HMCN1: variants seen among roughly 807,000 people sequenced by gnomAD.
HMCN1 encodes the protein hemicentin-1.
In HMCN1, 321 loss-of-function variants were observed where a neutral mutation model predicts 625.9. The observed-to-expected ratio is 0.51, with a 90% CI of 0.47 to 0.56. The LOEUF (loss-of-function observed/expected upper bound fraction) is 0.56, where lower values mean the gene tolerates loss of function less well. HMCN1 is among the 20% of genes least tolerant of loss of function. The pLI is 0.00. For missense variants in HMCN1, 6,588 were observed against 6,887.3 expected, an observed-to-expected ratio of 0.96 and a Z score of 1.54; for synonymous variants, 2,425 against 2,417.6, an observed-to-expected ratio of 1.00 and a Z score of -0.09.
At chr1:186,112,683 G>A in intron 71 of HMCN1, 129 bp from the exon 72 acceptor site, 1 of 1,108,492 alleles carries the variant, frequency 9.0e-7, no homozygotes, top group Non-Finnish European at 1.3e-6. Flanking sequence ...AAATGGTGGA[G>A]GAGCAGACAA....
chr1:186,015,288 C>G lies in HMCN1; in HGVS notation c.4760C>G (p.Pro1587Arg). The G allele has an allele frequency of 6.2e-7, 1 of 1,613,714 alleles. No individual in the cohort carries two copies. Among genetic ancestry groups the G allele is most frequent in the African/African-American group, 1.3e-5 (1 of 75,024 alleles). The change falls in exon 31 of 107, where the codon CCA (proline) becomes CGA (arginine). Residue 1587 changes from proline (P) to arginine (R), a missense_variant. By Grantham distance (103) the Pro-to-Arg change is moderately radical (BLOSUM62 -2). Around this residue, in one of 3 missense-constraint regions of HMCN1, gnomAD observed 4,628 missense variants for 4,853.1 expected, o/e 0.95. Coordinates refer to ENST00000271588, the MANE Select transcript of HMCN1 (RefSeq NM_031935.3). The stretch of plus-strand genomic sequence containing the variant: ...ATTACTTGGTATAAGGACGGGCAGC[C>G]AATCATGTCCAGCTCACAAGCACTT... ...PAITWYKDGQ[P>R]IMSSSQALYI... is the part of the protein sequence containing the mutation.
At chr1:185,805,373 G>A (rs1346689814) in intron 1 of HMCN1, among the ~76,000 whole-genome samples, 1 of 152,078 alleles carries the variant, frequency 6.6e-6, no homozygotes, top group East Asian at 1.9e-4. Context: ...AAGTGCAGAG[G>A]CCAAAAAGTT....
intron 6 of HMCN1, among the ~76,000 whole-genome samples, chr1:185,918,430 G>A (rs1666837043): frequency 6.6e-6 from 1 of 152,174 alleles, no homozygotes; most frequent in Admixed American, 6.5e-5. Flanking sequence ...CGTGCTGGCA[G>A]CCAGCTAGAT....
chr1:185,887,266 T>C (rs1558040525), intron 4 of HMCN1, among the ~76,000 whole-genome samples: 1 of 152,176 alleles, frequency 6.6e-6, no homozygotes, highest in Non-Finnish European at 1.5e-5. Flanking sequence ...TTTTAAACAG[T>C]GAAATAATTC....
intron 34 of HMCN1, 64 bp from the exon 35 acceptor site, chr1:186,019,477 C>T: frequency 8.5e-7 from 1 of 1,172,162 alleles, no homozygotes; most frequent in South Asian, 1.2e-5. Context: ...TTCTTGCATA[C>T]ATATTTTTAA....
At chr1:185,810,578 C>A (rs1318558235) in intron 1 of HMCN1, among the ~76,000 whole-genome samples, 1 of 151,970 alleles carries the variant, frequency 6.6e-6, no homozygotes, top group Non-Finnish European at 1.5e-5. Context: ...AAAATGGACT[C>A]GATTTAATCC....
At chr1:185,948,452 GGTT>G (rs1220607434) in intron 11 of HMCN1, among the ~76,000 whole-genome samples, 25 of 150,802 alleles carry the variant, frequency 1.7e-4, no homozygotes, top group Non-Finnish European at 3.2e-4. Context: ...GTCAAAGGGG[GGTT>G]GTTCTCTGGT....
Position 186,045,732 on chromosome 1 carries a change from A to G in HMCN1, c.6349A>G (p.Ile2117Val). ...MGEEQNVSVL[I>V]SQAVELLCQS... ...AGAAGAACAGAATGTCTCTGTCCTC[A>G]TTAGCCAAGCTGTGGAATTACTATG... Residue 2117 changes from isoleucine (I) to valine (V), a missense_variant, in exon 41 of 107, where the codon ATT becomes GTT. By Grantham distance (29) the Ile-to-Val change is conservative (BLOSUM62 3). Around this residue, in one of 3 missense-constraint regions of HMCN1, gnomAD observed 4,628 missense variants for 4,853.1 expected, o/e 0.95. Transcript: ENST00000271588. 1 of 1,613,494 alleles carries G rather than the reference A, an allele frequency of 6.2e-7. No homozygotes were observed. The highest frequency in any genetic ancestry group is 8.5e-7 in the Non-Finnish European group (1 of 1,179,560).
intron 53 of HMCN1, among the ~76,000 whole-genome samples, chr1:186,075,865 C>CT (rs1364235332): frequency 6.6e-6 from 1 of 152,006 alleles, no homozygotes; most frequent in African/African-American, 2.4e-5. Context: ...GTTAAATGTA[C>CT]TTTTTTCTGT....
chr1:185,951,929 C>T (rs1444822965), intron 11 of HMCN1, among the ~76,000 whole-genome samples: 1 of 151,804 alleles, frequency 6.6e-6, no homozygotes, highest in Non-Finnish European at 1.5e-5. Context: ...TAATTAAATC[C>T]TGTTGTGGGG....
intron 46 of HMCN1, among the ~76,000 whole-genome samples, chr1:186,061,628 A>G (rs918963835): frequency 6.6e-6 from 1 of 152,136 alleles, no homozygotes; most frequent in African/African-American, 2.4e-5. Context: ...GTCACCTAAC[A>G]TTATATTTAT....
intron 48 of HMCN1, among the ~76,000 whole-genome samples, chr1:186,064,926 A>C (rs1322233222): frequency 6.6e-6 from 1 of 152,118 alleles, no homozygotes; most frequent in African/African-American, 2.4e-5. Context: ...ACTTAGTTGT[A>C]ATAGTCTAAA....
chr1:185,930,232 A>G (rs992756949), intron 10 of HMCN1, among the ~76,000 whole-genome samples: 21 of 152,352 alleles, frequency 1.4e-4, no homozygotes, highest in Admixed American at 1.2e-3. Context: ...TCAATTTAAA[A>G]AGAATACGGT....
At chr1:185,957,653 C>G (rs1372353271) in intron 11 of HMCN1, among the ~76,000 whole-genome samples, 2 of 152,150 alleles carry the variant, frequency 1.3e-5, no homozygotes, top group Non-Finnish European at 2.9e-5. Context: ...ACATGGAAAT[C>G]AAAGTGCCAG....
chr1:185,960,637 C>T (rs1476561655), intron 11 of HMCN1, among the ~76,000 whole-genome samples: 5 of 152,150 alleles, frequency 3.3e-5, no homozygotes, highest in Admixed American at 6.5e-5. Context: ...ACAGAGCCTA[C>T]CAGTGGGATT....
intron 1 of HMCN1, among the ~76,000 whole-genome samples, chr1:185,844,151 T>C (rs996062274): frequency 1.3e-5 from 2 of 152,234 alleles, no homozygotes; most frequent in African/African-American, 4.8e-5. Context: ...TGTAACTGCC[T>C]GGCATATTCT....
intron 42 of HMCN1, among the ~76,000 whole-genome samples, chr1:186,050,241 A>T (rs929801077): frequency 6.6e-6 from 1 of 151,890 alleles, no homozygotes; most frequent in African/African-American, 2.4e-5. Flanking sequence ...CCTTTTTCAT[A>T]TGCAATATTT....
chr1:185,898,507 A>T (rs1182154702), intron 4 of HMCN1, among the ~76,000 whole-genome samples: 1 of 152,214 alleles, frequency 6.6e-6, no homozygotes, highest in Non-Finnish European at 1.5e-5. Context: ...TTTTAATAGA[A>T]GTACCACCTA....
At position 186,119,762 on chromosome 1, in the gene HMCN1, C is replaced by T. The variant is rs1661309880; in HGVS notation, c.11974C>T (p.Pro3992Ser). 1.2e-6 allele frequency: 2 copies of T among 1,613,918 alleles called. No individual in the cohort carries two copies. The highest frequency in any genetic ancestry group is 1.7e-6 in the Non-Finnish European group (2 of 1,179,890). Residue 3992 changes from proline (P) to serine (S), a missense_variant, in exon 79 of 107, where the codon CCC (proline) becomes TCC (serine). Transcript: ENST00000271588. ...LHVHEPPVIQ[P>S]QPSELHVILN... is the part of the protein sequence containing the mutation. Reference sequence around the variant, plus strand: ...TTTTATAGAGCCTCCAGTCATTCAGCCCCAACCAAGTGAACTACACGTCAT... The same window carrying T: ...TTTTATAGAGCCTCCAGTCATTCAGTCCCAACCAAGTGAACTACACGTCAT...
Sources: gnomAD v4.1 joint callset for allele counts (sites outside exome capture counted in the v4.1 genomes callset) on GRCh38, gnomAD v4.1.1 for gene constraint, gnomAD v4.1.1 regional missense constraint, MANE v1.5 for transcripts, NCBI Gene and HGNC (gene_info 2026-07-23, HGNC 2026-07-21) for gene names.